SYTL2: variants seen among roughly 807,000 people sequenced by gnomAD.
SYTL2 encodes the protein synaptotagmin like 2, also known as synaptotagmin-like protein 2.
Under a neutral mutation model 198.7 loss-of-function variants are expected in SYTL2, and 165 were observed. The observed-to-expected ratio is 0.83, with a 90% CI of 0.73 to 0.94. The LOEUF (loss-of-function observed/expected upper bound fraction) is 0.94. Ranked by LOEUF, SYTL2 falls within the 40% of genes least tolerant of loss-of-function variation. SYTL2 has a pLI of 0.00. For synonymous variants in SYTL2, 966 were observed against 917.7 expected (o/e 1.05, Z -0.95); for missense variants, 2,835 against 2,582.8 (o/e 1.10, Z -2.12).
chr11:85,798,206 C>A (rs903004076), intron 1 of SYTL2, among the ~76,000 whole-genome samples: 1 of 152,054 alleles, frequency 6.6e-6, no homozygotes, highest in Non-Finnish European at 1.5e-5. Flanking sequence ...CCTCCCATTC[C>A]CTGTTCATTT....
chr11:85,728,811 A>G (rs1226337664), intron 7 of SYTL2, among the ~76,000 whole-genome samples: 1 of 152,182 alleles, frequency 6.6e-6, no homozygotes, highest in African/African-American at 2.4e-5. Flanking sequence ...TTTTATCCAC[A>G]ATATTTAAAT....
At chr11:85,772,414 C>T (rs2092373578) in intron 1 of SYTL2, among the ~76,000 whole-genome samples, 1 of 152,196 alleles carries the variant, frequency 6.6e-6, no homozygotes, top group African/African-American at 2.4e-5. Flanking sequence ...GAATATCTGA[C>T]TTGCTATCTA....
chr11:85,791,801 C>G lies in SYTL2; in HGVS notation c.-390+19153G>C, dbSNP rs1289686131. 1.3e-5 allele frequency among the ~76,000 whole-genome samples: 2 copies of G among 152,050 alleles called. 1 individual carries two copies. Among genetic ancestry groups the G allele is most frequent in the African/African-American group, 4.8e-5 (2 of 41,320 alleles). On this transcript the variant is annotated intron_variant, in intron 1 of 19. Transcript: ENST00000359152. ...ACTCATGTGGAGTCATATGTCTAAA[C>G]TTGGAGCCATAAGGAAGGGAATACA... is the stretch of plus-strand genomic sequence containing the variant.
At position 85,726,512 on chromosome 11, in the gene SYTL2, C is replaced by A. The variant is rs748822281; in HGVS notation, c.2846G>T (p.Arg949Ile). The A allele has an allele frequency of 2.5e-6, 4 of 1,605,284 alleles. No homozygotes were observed. The highest frequency in any genetic ancestry group is 3.4e-6 in the Non-Finnish European group (4 of 1,179,912). Residue 949 changes from arginine to isoleucine, a missense_variant, in exon 8 of 20, where the codon AGA becomes ATA. Around this residue, in one of 3 missense-constraint regions of SYTL2, gnomAD observed 2,645 missense variants for 2,381.7 expected, o/e 1.11. Transcript: ENST00000359152. Reference sequence around the variant, plus strand: ...GGCATTTGATTCACGAACTAGAGGTCTGTCTTTCTCCAATGGAGCATGTCG... The same window carrying A: ...GGCATTTGATTCACGAACTAGAGGTATGTCTTTCTCCAATGGAGCATGTCG... Reference protein sequence around the residue: ...SERHAPLEKDRPLVRESNANF... With the variant: ...SERHAPLEKDIPLVRESNANF...
At position 85,736,618 on chromosome 11, in the gene SYTL2, G is replaced by A. The variant is rs1179947114; in HGVS notation, c.472-3C>T. 1 of 1,468,316 alleles carries A rather than the reference G, an allele frequency of 6.8e-7. No homozygotes were observed. The highest frequency in any genetic ancestry group is 1.2e-5 in the South Asian group (1 of 86,738). The allele number at this position is 1,468,316 out of a possible 1,614,324, so 91.0% of individuals were successfully genotyped here. A position where few individuals can be genotyped will look rare whatever the true frequency, so the allele number is the denominator to read the frequency against. ...CTATTAAACGGATTCTTCCTCTGCT[G>A]GGGACAAATATTGTTTATTAAACTT... On this transcript the variant is annotated splice_region_variant and splice_polypyrimidine_tract_variant and intron_variant, in intron 5 of 19. Transcript: ENST00000359152.
At chr11:85,796,406 T>C (rs1388264481) in intron 1 of SYTL2, among the ~76,000 whole-genome samples, 1 of 152,218 alleles carries the variant, frequency 6.6e-6, no homozygotes, top group South Asian at 2.1e-4. Context: ...ACTCCTCCCC[T>C]GATTTAGAGA....
chr11:85,701,546 T>C (rs370363426), intron 16 of SYTL2, among the ~76,000 whole-genome samples: 1 of 152,234 alleles, frequency 6.6e-6, no homozygotes, highest in African/African-American at 2.4e-5. Context: ...AATATGGGTA[T>C]GTATCAGAAA....
chr11:85,791,290 C>T (rs1380247572), intron 1 of SYTL2, among the ~76,000 whole-genome samples: 4 of 145,322 alleles, frequency 2.8e-5, no homozygotes, highest in African/African-American at 1.0e-4. Context: ...TAAAAATATA[C>T]AAAATTCCAC....
chr11:85,724,882 T>A lies in SYTL2; in HGVS notation c.4476A>T (p.Ser1492=). Reference sequence around the variant, plus strand: ...AGCCAGCACTGAATTCGAGGAACTCTGATTTGGGTTGAACAATTGTTTCCC... The same window carrying A: ...AGCCAGCACTGAATTCGAGGAACTCAGATTTGGGTTGAACAATTGTTTCCC... ...IVRETIVQPK[S]EFLEFSAGLE... is the part of the protein sequence containing the mutation. The change falls in exon 8 of 20, where the codon TCA becomes TCT. Residue 1492 remains serine, a synonymous_variant. Transcript: ENST00000359152. 3 of 1,614,158 alleles carry A rather than the reference T, an allele frequency of 1.9e-6. No individual in the cohort carries two copies. The highest frequency in any genetic ancestry group is 2.5e-6 in the Non-Finnish European group (3 of 1,180,008).
chr11:85,712,173 T>G (rs1016567784), intron 12 of SYTL2, among the ~76,000 whole-genome samples: 1 of 152,202 alleles, frequency 6.6e-6, no homozygotes, highest in Non-Finnish European at 1.5e-5. Context: ...ATATAATGGA[T>G]GCCAATTGTA....
the SYTL2 span, among the ~76,000 whole-genome samples, chr11:85,820,407 C>G: frequency 6.6e-6 from 1 of 152,220 alleles, no homozygotes; most frequent in South Asian, 2.1e-4. Flanking sequence ...GATAAAGAAC[C>G]CCTGCCTAGA....
chr11:85,797,903 G>C (rs1424137536), intron 1 of SYTL2, among the ~76,000 whole-genome samples: 7 of 152,014 alleles, frequency 4.6e-5, no homozygotes, highest in Non-Finnish European at 8.8e-5. Flanking sequence ...ACCCAGGCTG[G>C]AGTGCAGTGG....
chr11:85,759,194 C>T (rs1312534537), intron 1 of SYTL2, among the ~76,000 whole-genome samples: 1 of 147,782 alleles, frequency 6.8e-6, no homozygotes, highest in Admixed American at 6.8e-5. Flanking sequence ...TGCAGTGAGC[C>T]GGGATCACAC....
the SYTL2 span, among the ~76,000 whole-genome samples, chr11:85,846,116 T>C: frequency 0.019 from 2,964 of 152,200 alleles, 102 homozygotes; most frequent in African/African-American, 0.066. Context: ...CTTTGTGGGT[T>C]ATAAGGTGGG....
At chr11:85,753,829 T>C (rs2091699551) in intron 2 of SYTL2, among the ~76,000 whole-genome samples, 1 of 149,284 alleles carries the variant, frequency 6.7e-6, no homozygotes, top group African/African-American at 2.5e-5. Context: ...CTCCAAAGTA[T>C]CTTGAATGAG....
intron 1 of SYTL2, among the ~76,000 whole-genome samples, chr11:85,764,314 C>T (rs750675366): frequency 7.9e-5 from 12 of 152,148 alleles, no homozygotes; most frequent in South Asian, 4.1e-4. Flanking sequence ...AATGCGCAGG[C>T]GGTGCTAAGC....
chr11:85,738,924 T>C (rs897571879), intron 4 of SYTL2, among the ~76,000 whole-genome samples: 3 of 152,154 alleles, frequency 2.0e-5, no homozygotes, highest in African/African-American at 7.2e-5. Context: ...CTCTGCTCCC[T>C]GAAATTCCAG....
chr11:85,763,436 T>A (rs2092151577), intron 1 of SYTL2, among the ~76,000 whole-genome samples: 1 of 151,882 alleles, frequency 6.6e-6, no homozygotes, highest in Non-Finnish European at 1.5e-5. Flanking sequence ...CAGCAAAGAG[T>A]GGATCTGGGC....
chr11:85,751,652 G>T (rs995207520), intron 2 of SYTL2, among the ~76,000 whole-genome samples: 1 of 152,204 alleles, frequency 6.6e-6, no homozygotes, highest in African/African-American at 2.4e-5. Context: ...CTCCCAGGTG[G>T]GATGTCCTGG....
Sources: gnomAD v4.1 joint callset for allele counts (sites outside exome capture counted in the v4.1 genomes callset) on GRCh38, gnomAD v4.1.1 for gene constraint, gnomAD v4.1.1 regional missense constraint, MANE v1.5 for transcripts, NCBI Gene and HGNC (gene_info 2026-07-23, HGNC 2026-07-21) for gene names.